Variants in SGK1 observed in about 807,000 individuals in gnomAD.
SGK1 encodes serum/glucocorticoid regulated kinase 1, also known as serine/threonine-protein kinase Sgk1.
A neutral mutation model predicts 64.2 loss-of-function variants in SGK1; 26 were observed. That is an observed-to-expected ratio of 0.40 (90% CI 0.30 to 0.56). The LOEUF (loss-of-function observed/expected upper bound fraction) is 0.56. SGK1 is among the 20% of genes least tolerant of loss of function. The pLI is 0.38. For synonymous variants in SGK1, 265 were observed against 239.7 expected (o/e 1.11, Z -0.98); for missense variants, 519 against 645.6 (o/e 0.80, Z 2.12).
chr6:134,189,355 A>G (rs1775473806), intron 3 of SGK1, among the ~76,000 whole-genome samples: 1 of 152,162 alleles, frequency 6.6e-6, no homozygotes, highest in Non-Finnish European at 1.5e-5. Flanking sequence ...AATGAAAATA[A>G]GCTTTTGTAT....
chr6:134,295,347 G>C (rs941039400), intron 1 of SGK1, among the ~76,000 whole-genome samples: 1 of 152,186 alleles, frequency 6.6e-6, no homozygotes, highest in Admixed American at 6.5e-5. Flanking sequence ...TGTTTTGAGA[G>C]TCACAATAAA....
intron 3 of SGK1, among the ~76,000 whole-genome samples, chr6:134,186,724 G>A (rs769370878): frequency 3.9e-5 from 6 of 152,122 alleles, no homozygotes; most frequent in African/African-American, 9.7e-5. Context: ...TTGAGTTGTT[G>A]TAATTTCTCA....
At chr6:134,174,127 G>A in intron 4 of SGK1, 47 bp from the exon 5 acceptor site, 1 of 1,386,844 alleles carries the variant, frequency 7.2e-7, no homozygotes, top group South Asian at 1.2e-5. Context: ...CGCCACTAGG[G>A]GGCACACCAA....
intron 2 of SGK1, among the ~76,000 whole-genome samples, chr6:134,219,729 C>T (rs1325270186): frequency 4.2e-5 from 6 of 143,140 alleles, no homozygotes; most frequent in Non-Finnish European, 9.0e-5. Context: ...CATTGCACTC[C>T]AGCCTGGGCA....
intron 3 of SGK1, among the ~76,000 whole-genome samples, chr6:134,203,831 A>T (rs1289300626): frequency 6.6e-6 from 1 of 152,222 alleles, no homozygotes; most frequent in East Asian, 1.9e-4. Flanking sequence ...TGGGAGGCTG[A>T]GGTGGGTGGA....
At chr6:134,215,905 A>T (rs966159886) in intron 2 of SGK1, among the ~76,000 whole-genome samples, 1 of 152,118 alleles carries the variant, frequency 6.6e-6, no homozygotes. Context: ...AATCCCAGCT[A>T]CTTGGGAGGA....
chr6:134,302,450 A>C (rs1777472797), intron 1 of SGK1, among the ~76,000 whole-genome samples: 1 of 152,206 alleles, frequency 6.6e-6, no homozygotes, highest in South Asian at 2.1e-4. Context: ...TAAATGAGAG[A>C]ATCAACCTGT....
chr6:134,192,598 C>G (rs1287640963), intron 3 of SGK1, among the ~76,000 whole-genome samples: 1 of 149,842 alleles, frequency 6.7e-6, no homozygotes, highest in Non-Finnish European at 1.5e-5. Flanking sequence ...CTCCATCCAT[C>G]CCCCCTCCCC....
At chr6:134,254,727 TCATA>T (rs202054621) in intron 2 of SGK1, among the ~76,000 whole-genome samples, 193 of 152,146 alleles carry the variant, frequency 1.3e-3, no homozygotes, top group African/African-American at 4.3e-3. Flanking sequence ...ATACTCACAC[TCATA>T]GATAAACACA....
rs1774931058 is a variant in SGK1 at position 134,169,315 on chromosome 6, T to G, written c.*953A>C. 6.6e-6 allele frequency: 1 copy of G among 152,588 alleles called. No individual in the cohort carries two copies. The highest frequency in any genetic ancestry group is 6.5e-5 in the Admixed American group (1 of 15,280). The allele number at this position is 152,588 out of a possible 1,614,324, so 9.5% of individuals were successfully genotyped here. A position where few individuals can be genotyped will look rare whatever the true frequency, so the allele number is the denominator to read the frequency against. On this transcript the variant is annotated 3_prime_UTR_variant, in exon 14 of 14. Coordinates refer to ENST00000367858, the MANE Select transcript of SGK1 (RefSeq NM_001143676.3). ...TTTATCACACACAAAAAAAGTTGTGTGATGGGATGAGGGAAGGATTGTACG... is the reference window on the plus strand; with the variant it reads ...TTTATCACACACAAAAAAAGTTGTGGGATGGGATGAGGGAAGGATTGTACG...
chr6:134,317,363 CAA>C (rs1326795519), intron 1 of SGK1, 27 bp downstream of exon 1: 2 of 1,442,328 alleles, frequency 1.4e-6, no homozygotes, highest in Non-Finnish European at 2.0e-6. Context: ...GCACAGAAAA[CAA>C]AAGAAATAAG....
chr6:134,197,180 C>A (rs909652102), intron 3 of SGK1, among the ~76,000 whole-genome samples: 1 of 152,122 alleles, frequency 6.6e-6, no homozygotes, highest in African/African-American at 2.4e-5. Flanking sequence ...CCACAGTAAG[C>A]CGTGATCGCA....
chr6:134,231,741 T>G (rs1054723385), intron 2 of SGK1, among the ~76,000 whole-genome samples: 2 of 152,110 alleles, frequency 1.3e-5, no homozygotes, highest in African/African-American at 2.4e-5. Flanking sequence ...CTATAAAGTG[T>G]TTTTAATAGT....
At chr6:134,234,165 C>T (rs1017303404) in intron 2 of SGK1, among the ~76,000 whole-genome samples, 7 of 152,122 alleles carry the variant, frequency 4.6e-5, no homozygotes, top group African/African-American at 9.7e-5. Flanking sequence ...TCTAGGAGGC[C>T]GAGGCAGGCA....
rs67716719 is a variant in SGK1 at position 134,212,067 on chromosome 6, T to TGG, written c.286-4638_286-4637dup. 2.5e-3 allele frequency among the ~76,000 whole-genome samples: 377 copies of TGG among 148,436 alleles called. 1 individual carries two copies. Among genetic ancestry groups the TGG allele is most frequent in the African/African-American group, 3.5e-3 (142 of 40,094 alleles). ...TTTGTTTTTTGTTTTTTGTTTTTTT[T>TGG]GGGGGGGACGGAGTCTCTCTCTGTC... is the stretch of plus-strand genomic sequence containing the variant. On this transcript the variant is annotated intron_variant, in intron 2 of 13. Transcript: ENST00000367858.
chr6:134,216,810 A>T (rs1390380453), intron 2 of SGK1, among the ~76,000 whole-genome samples: 2 of 152,176 alleles, frequency 1.3e-5, no homozygotes, highest in African/African-American at 4.8e-5. Context: ...ACAGGCTTTT[A>T]AAAACACTGG....
intron 1 of SGK1, among the ~76,000 whole-genome samples, chr6:134,273,304 T>C (rs1446023200): frequency 2.7e-5 from 4 of 146,842 alleles, no homozygotes; most frequent in African/African-American, 9.8e-5. Flanking sequence ...GGCTTTCTGG[T>C]GGAAGTGATG....
At chr6:134,172,395 A>G (rs1354270471) in intron 9 of SGK1, 79 bp from the exon 10 acceptor site, 1 of 1,383,438 alleles carries the variant, frequency 7.2e-7, no homozygotes, top group South Asian at 1.3e-5. Context: ...TAATTGCTAA[A>G]GGTATTAGAG....
At position 134,317,434 on chromosome 6, in the gene SGK1, G is replaced by T; in HGVS notation, c.27C>A (p.Phe9Leu). The change falls in exon 1 of 14, where the codon TTC (phenylalanine) becomes TTA (leucine). Residue 9 changes from phenylalanine to leucine, a missense_variant. Physicochemically the swap from Phe to Leu is conservative, Grantham distance 22. This residue lies in a region of SGK1 where 241 missense variants were observed against 236.9 expected (regional missense o/e 1.02). Transcript: ENST00000367858. Reference sequence around the variant, plus strand: ...GGAAGGCTGAGCATTTCTTGACTGGGAATCCATTCATGTCTTTGTTTACCA... The same window carrying T: ...GGAAGGCTGAGCATTTCTTGACTGGTAATCCATTCATGTCTTTGTTTACCA... MVNKDMNG[F>L]PVKKCSAFQF... 6.2e-7 allele frequency: 1 copy of T among 1,609,966 alleles called. No individual in the cohort carries two copies. Among genetic ancestry groups the T allele is most frequent in the Non-Finnish European group, 8.5e-7 (1 of 1,176,182 alleles).
Sources: gnomAD v4.1 joint callset for allele counts (sites outside exome capture counted in the v4.1 genomes callset) on GRCh38, gnomAD v4.1.1 for gene constraint, gnomAD v4.1.1 regional missense constraint, MANE v1.5 for transcripts, NCBI Gene and HGNC (gene_info 2026-07-23, HGNC 2026-07-21) for gene names.